The following ADAM8 variants were observed in gnomAD, a reference collection of about 807,000 sequenced individuals.
ADAM8 encodes the protein disintegrin and metalloproteinase domain-containing protein 8.
Under a neutral mutation model 102.4 loss-of-function variants are expected in ADAM8, and 104 were observed. The observed-to-expected ratio is 1.02, with a 90% CI of 0.87 to 1.20. The LOEUF is 1.20. Ranked by LOEUF, ADAM8 falls within the 50% of genes most tolerant of loss-of-function variation. The probability of loss-of-function intolerance (pLI) is 0.00; values close to 1 mark genes in which losing one functional copy is unlikely to be tolerated. For synonymous variants in ADAM8, 517 were observed against 485.2 expected, an observed-to-expected ratio of 1.07 and a Z score of -0.86; for missense variants, 1,132 against 1,159.0, an observed-to-expected ratio of 0.98 and a Z score of 0.34.
At chr10:133,271,113 C>T in intron 13 of ADAM8, 43 bp from the exon 14 acceptor site, 1 of 1,595,622 alleles carries the variant, frequency 6.3e-7, no homozygotes, top group Non-Finnish European at 8.6e-7. Context: ...CAGGTCCACG[C>T]AAGCTGCCTG....
At position 133,275,351 on chromosome 10, in the gene ADAM8, A is replaced by T. The variant is rs1846712915; in HGVS notation, c.150+133T>A. ...GGAGGGAGGAACGGAGATGGGCCCC[A>T]GGGGGCTAGAGCTGTACAGGGCAGC... On this transcript the variant is annotated intron_variant, in intron 2 of 22. Transcript: ENST00000445355. 4.6e-6 allele frequency: 3 copies of T among 646,278 alleles called. No homozygotes were observed. In the Admixed American group the frequency reaches 1.0e-4, roughly 23 times the overall value. The allele number at this position is 646,278 out of a possible 1,614,324, so 40.0% of individuals were successfully genotyped here.
In ADAM8 at chr10:133,273,993, C is replaced by A. The variant is rs558863162; in HGVS notation, c.264G>T (p.Thr88=). ...LLGSGYTETY[T]AANGSEVTEQ... ...CCGTCACCTCGGAGCCATTGGCAGC[C>A]GTATAGGTCTCTGTGTAGCCGGAGC... The change falls in exon 4 of 23, where the codon ACG becomes ACT. Residue 88 remains threonine, a synonymous_variant. Transcript: ENST00000445355. 2 of 1,607,912 alleles carry A rather than the reference C, an allele frequency of 1.2e-6. No homozygotes were observed. Among genetic ancestry groups the A allele is most frequent in the Non-Finnish European group, 1.7e-6 (2 of 1,178,746 alleles).
At chr10:133,275,129 GCC>G (rs577449544) in intron 2 of ADAM8, 4 of 295,320 alleles carry the variant, frequency 1.4e-5, no homozygotes, top group African/African-American at 2.3e-5. Context: ...CCCCCGCCAG[GCC>G]CCCCCCCCAA....
chr10:133,270,641 CCT>C, intron 15 of ADAM8, 93 bp downstream of exon 15: 2 of 1,539,486 alleles, frequency 1.3e-6, no homozygotes, highest in Non-Finnish European at 1.8e-6. Context: ...CAGAGCAGAC[CCT>C]CATGGGAGCA....
At chr10:133,272,621 G>T in intron 8 of ADAM8, 36 bp from the exon 9 acceptor site, 4 of 1,583,228 alleles carry the variant, frequency 2.5e-6, no homozygotes, top group Non-Finnish European at 3.4e-6. Context: ...GTCAGGCAGG[G>T]TGGCGGAAGG....
Position 133,271,797 on chromosome 10 carries a change from C to A in ADAM8, c.1106+9G>T, listed in dbSNP as rs1468214927. On this transcript the variant is annotated intron_variant, in intron 11 of 22. Transcript: ENST00000445355. ...CATACCCTGGCTCTGCAGGGCCTGGCCGCCTCACCCAATGCTGCCCGCCAT... is the reference window on the plus strand; with the variant it reads ...CATACCCTGGCTCTGCAGGGCCTGGACGCCTCACCCAATGCTGCCCGCCAT... The A allele has an allele frequency of 6.2e-7, 1 of 1,610,002 alleles. No homozygotes were observed. Among genetic ancestry groups the A allele is most frequent in the Non-Finnish European group, 8.5e-7 (1 of 1,178,232 alleles).
chr10:133,269,495 G>C lies in ADAM8; in HGVS notation c.1898C>G (p.Ala633Gly), dbSNP rs770791031. Residue 633 changes from alanine to glycine, a missense_variant, in exon 18 of 23, where the codon GCG becomes GGG. Ala to Gly is a moderately conservative substitution (Grantham distance 60, BLOSUM62 0). Coordinates refer to ENST00000445355, the MANE Select transcript of ADAM8 (RefSeq NM_001109.5). The part of the protein sequence containing the change: ...CNHKQECHCH[A>G]GWAPPHCAKL... ...CGCGCAGTGGGGCGGGGCCCAGCCC[G>C]CGTGGCAGTGGCACTCCTGCTTGTG... The C allele has an allele frequency of 2.5e-6, 4 of 1,598,960 alleles. No homozygotes were observed. Among genetic ancestry groups the C allele is most frequent in the African/African-American group, 1.3e-5 (1 of 74,836 alleles).
rs116811734 is a variant in ADAM8, at chr10:133,275,082, G to A, written c.150+402C>T. On this transcript the variant is annotated intron_variant, in intron 2 of 22. Coordinates refer to ENST00000445355, the MANE Select transcript of ADAM8 (RefSeq NM_001109.5). ...GAATCACCCTCGGGCAGCCCCAGTC[G>A]GGGAGGGGGGCATTCTCAGTTTCTA... The A allele has an allele frequency of 5.0e-3, 1,414 of 285,278 alleles. 19 individuals carry two copies. The highest frequency in any genetic ancestry group is 0.031 in the African/African-American group (1,327 of 43,398). 17.7% of individuals were successfully genotyped at this position (285,278 alleles called of 1,614,324 possible). A position where few individuals can be genotyped will look rare whatever the true frequency, so the allele number is the denominator to read the frequency against.
At chr10:133,274,892 C>T in intron 2 of ADAM8, 1 of 435,340 alleles carries the variant, frequency 2.3e-6, no homozygotes, top group Non-Finnish European at 4.7e-6. Flanking sequence ...ACAGCCTTAG[C>T]TGTGCCACCG....
rs367566574 is a variant in ADAM8 at position 133,271,624 on chromosome 10, G to A, written c.1188C>T (p.Leu396=). 47 of 1,555,456 alleles carry A rather than the reference G, an allele frequency of 3.0e-5. No homozygotes were observed. The highest frequency in any genetic ancestry group is 1.7e-4 in the Middle Eastern group (1 of 6,004). ...GGTGGCTGAGGTCAGGGGCGTTGGCGAGGCACACCGACTGCGGCCGCTCCA... is the reference window on the plus strand; with the variant it reads ...GGTGGCTGAGGTCAGGGGCGTTGGCAAGGCACACCGACTGCGGCCGCTCCA... The part of the protein sequence containing the change: ...SFLERPQSVC[L]ANAPDLSHLV... Residue 396 remains leucine (L), a synonymous_variant, in exon 12 of 23, where the codon CTC becomes CTT. Coordinates refer to ENST00000445355, the MANE Select transcript of ADAM8 (RefSeq NM_001109.5).
chr10:133,275,938 G>A (rs977998760), intron 1 of ADAM8: 27 of 241,074 alleles, frequency 1.1e-4, no homozygotes, highest in African/African-American at 3.1e-4. Context: ...GACTCGGGCC[G>A]CCGACCTGCC....
At chr10:133,266,701 G>T (rs1263329946) in intron 21 of ADAM8, among the ~76,000 whole-genome samples, 1 of 152,212 alleles carries the variant, frequency 6.6e-6, no homozygotes, top group Non-Finnish European at 1.5e-5. Context: ...GGCCCTTTCT[G>T]CTGCCCTAGC....
intron 10 of ADAM8, 72 bp from the exon 11 acceptor site, chr10:133,272,026 G>A (rs941737755): frequency 3.0e-5 from 47 of 1,581,446 alleles, no homozygotes; most frequent in Non-Finnish European, 3.9e-5. Flanking sequence ...CCCCACCAGG[G>A]CCCAGGACTT....
In ADAM8 at chr10:133,268,124, G is replaced by A. The variant is rs929492285; in HGVS notation, c.2064-6C>T. Reference sequence around the variant, plus strand: ...TGGTCTTGGGAGCCACGTTCCTGGGGAGGAAGCACAGGGCGCATGGTCAGT... The same window carrying A: ...TGGTCTTGGGAGCCACGTTCCTGGGAAGGAAGCACAGGGCGCATGGTCAGT... On this transcript the variant is annotated splice_region_variant and splice_polypyrimidine_tract_variant and intron_variant, in intron 19 of 22. Coordinates refer to ENST00000445355, the MANE Select transcript of ADAM8 (RefSeq NM_001109.5). 1.3e-5 allele frequency: 17 copies of A among 1,264,088 alleles called. No individual in the cohort carries two copies. The highest frequency in any genetic ancestry group is 1.7e-5 in the Non-Finnish European group (17 of 997,262). 78.3% of individuals were successfully genotyped at this position (1,264,088 alleles called of 1,614,324 possible).
chr10:133,270,308 C>T (rs885023), intron 16 of ADAM8, 52 bp downstream of exon 16: 22 of 1,545,808 alleles, frequency 1.4e-5, no homozygotes, highest in Admixed American at 1.9e-5. Context: ...CCACGTGGGG[C>T]ACATGCCCGG....
rs1415535006 is a variant in ADAM8 at position 133,263,220 on chromosome 10, G to A, written c.2411C>T (p.Pro804Leu). 6.2e-7 allele frequency: 1 copy of A among 1,610,434 alleles called. No individual in the cohort carries two copies. Among genetic ancestry groups the A allele is most frequent in the Non-Finnish European group, 8.5e-7 (1 of 1,177,612 alleles). The change falls in exon 23 of 23, where the codon CCA becomes CTA. Residue 804 changes from proline (P) to leucine (L), a missense_variant. Pro to Leu is a moderately conservative substitution (Grantham distance 98, BLOSUM62 -3). Transcript: ENST00000445355. ...GATGGGGGGCTTCAGGGCAACCTTT[G>A]GGCCAACAGCACCCTGGGAGGAGGA... ...NPGPAEGAVG[P>L]KVALKPPIQR... is the part of the protein sequence containing the mutation.
At chr10:133,274,056 C>CG in intron 3 of ADAM8, 27 bp from the exon 4 acceptor site, 1 of 1,595,774 alleles carries the variant, frequency 6.3e-7, no homozygotes. Context: ...GTGACTGCCT[C>CG]GGCCCCCTCG....
At chr10:133,273,058 C>G (rs752528778) in intron 6 of ADAM8, 39 bp from the exon 7 acceptor site, 6 of 1,611,852 alleles carry the variant, frequency 3.7e-6, no homozygotes, top group Admixed American at 3.3e-5. Context: ...GCCTTCCCAG[C>G]GCCGGGGCCT....
chr10:133,276,201 A>G (rs1589815218), intron 1 of ADAM8, among the ~76,000 whole-genome samples: 1 of 152,128 alleles, frequency 6.6e-6, no homozygotes, highest in South Asian at 2.1e-4. Context: ...GCAGCAGGGG[A>G]GCAGCCAGCC....
Sources: allele counts gnomAD v4.1 joint callset (sites outside exome capture counted in the v4.1 genomes callset), GRCh38; gene constraint gnomAD v4.1.1; transcripts MANE v1.5; gene names NCBI Gene and HGNC (gene_info 2026-07-23, HGNC 2026-07-21).